The following RGS7BP variants were observed in gnomAD, a reference collection of about 807,000 sequenced individuals.
RGS7BP encodes the protein regulator of G protein signaling 7-binding protein.
A neutral mutation model predicts 31.3 loss-of-function variants in RGS7BP; 9 were observed. The observed-to-expected ratio is 0.29, with a 90% CI of 0.17 to 0.50. RGS7BP has a LOEUF of 0.50. RGS7BP is among the 20% of genes least tolerant of loss of function. The pLI is 0.98. For missense variants in RGS7BP, 274 were observed against 322.0 expected (o/e 0.85, Z 1.14); for synonymous variants, 115 against 120.1 (o/e 0.96, Z 0.28).
chr5:64,600,716 A>G (rs1743196055), intron 5 of RGS7BP, among the ~76,000 whole-genome samples: 1 of 152,198 alleles, frequency 6.6e-6, no homozygotes, highest in Non-Finnish European at 1.5e-5. Flanking sequence ...AATGTAAAGG[A>G]TTGTGAGGAA....
chr5:64,507,316 C>T (rs1748719125), intron 1 of RGS7BP, among the ~76,000 whole-genome samples: 1 of 152,146 alleles, frequency 6.6e-6, no homozygotes. Context: ...CCGCCCCTCC[C>T]GCCGTGCAAC....
intron 2 of RGS7BP, among the ~76,000 whole-genome samples, chr5:64,575,262 C>A (rs1742388783): frequency 6.6e-6 from 1 of 152,056 alleles, no homozygotes; most frequent in Non-Finnish European, 1.5e-5. Context: ...AAATTAGCCA[C>A]AGCAAACAAT....
At chr5:64,602,203 C>A (rs1393560850) in intron 5 of RGS7BP, among the ~76,000 whole-genome samples, 4 of 152,202 alleles carry the variant, frequency 2.6e-5, no homozygotes, top group Admixed American at 6.5e-5. Flanking sequence ...GAACACTGGG[C>A]AGTTATGCCA....
chr5:64,547,457 C>T (rs1207837454), intron 2 of RGS7BP, among the ~76,000 whole-genome samples: 1 of 152,172 alleles, frequency 6.6e-6, no homozygotes, highest in Non-Finnish European at 1.5e-5. Context: ...AGATTATAAA[C>T]CACAGCTTCT....
chr5:64,568,912 T>C (rs1429278698), intron 2 of RGS7BP, among the ~76,000 whole-genome samples: 1 of 140,504 alleles, frequency 7.1e-6, no homozygotes, highest in Non-Finnish European at 1.6e-5. Context: ...TCATGGGAAA[T>C]GGCAAAGGTG....
chr5:64,560,890 A>G (rs1037089850), intron 2 of RGS7BP, among the ~76,000 whole-genome samples: 1 of 152,160 alleles, frequency 6.6e-6, no homozygotes, highest in Admixed American at 6.6e-5. Context: ...AGAGAGAATA[A>G]TGACAGTCCA....
rs571736762 is a variant in RGS7BP at position 64,561,467 on chromosome 5, C to T, written c.333-14307C>T. On this transcript the variant is annotated intron_variant, in intron 2 of 5. Transcript: ENST00000334025. The stretch of plus-strand genomic sequence containing the variant: ...GGTTTGAGTCCTATCACTGTGTTTA[C>T]TCTTTCGATGACCTTCAGCAACTTT... Among the ~76,000 whole-genome samples, 8 of 152,174 alleles carry T rather than the reference C, an allele frequency of 5.3e-5. No individual in the cohort carries two copies. In the East Asian group the frequency reaches 1.5e-3, roughly 29 times the overall value.
chr5:64,597,114 A>G (rs891897140), intron 4 of RGS7BP, among the ~76,000 whole-genome samples: 8 of 152,158 alleles, frequency 5.3e-5, no homozygotes, highest in African/African-American at 1.9e-4. Flanking sequence ...GCTATTTTAA[A>G]TGAAATCTGC....
At chr5:64,596,700 G>A (rs1743078810) in intron 4 of RGS7BP, among the ~76,000 whole-genome samples, 1 of 152,092 alleles carries the variant, frequency 6.6e-6, no homozygotes, top group South Asian at 2.1e-4. Context: ...CATGAGAGTG[G>A]ATTTGGAAAG....
chr5:64,599,502 A>T lies in RGS7BP; in HGVS notation c.682+1067A>T, dbSNP rs1183083854. Among the ~76,000 whole-genome samples the T allele has an allele frequency of 3.3e-5, 5 of 152,112 alleles. No individual in the cohort carries two copies. The East Asian group carries it at 9.7e-4, about 29-fold the overall frequency. ...GTGGAAGTGAGAACACCAGATGAAG[A>T]GGCTGAGGAGTAGTGTGGCCTGAGC... On this transcript the variant is annotated intron_variant, in intron 5 of 5. Coordinates refer to ENST00000334025, the MANE Select transcript of RGS7BP (RefSeq NM_001029875.3).
Position 64,533,661 on chromosome 5 carries a change from A to G in RGS7BP, c.332+25784A>G, listed in dbSNP as rs556793263. On this transcript the variant is annotated intron_variant, in intron 2 of 5. Transcript: ENST00000334025. ...CATATTTTTCTTCCATAAATAAAGT[A>G]TGTACAAGAGACCCAGATTTTAACA... is the stretch of plus-strand genomic sequence containing the variant. Among the ~76,000 whole-genome samples the G allele has an allele frequency of 3.7e-4, 56 of 151,594 alleles. 1 individual carries two copies. Among genetic ancestry groups the G allele is most frequent in the Admixed American group, 3.2e-3 (49 of 15,268 alleles).
chr5:64,577,357 G>C (rs574236334), intron 3 of RGS7BP, among the ~76,000 whole-genome samples: 5 of 152,186 alleles, frequency 3.3e-5, no homozygotes, highest in Admixed American at 3.3e-4. Flanking sequence ...CAGGAGAATG[G>C]CATGAACCTG....
chr5:64,544,648 G>A (rs1371991272), intron 2 of RGS7BP, among the ~76,000 whole-genome samples: 3 of 151,274 alleles, frequency 2.0e-5, no homozygotes, highest in Admixed American at 6.6e-5. Context: ...CACTCCAGCC[G>A]GGGCAACCAA....
At chr5:64,589,542 A>C (rs1742852038) in intron 3 of RGS7BP, among the ~76,000 whole-genome samples, 1 of 152,174 alleles carries the variant, frequency 6.6e-6, no homozygotes, top group Non-Finnish European at 1.5e-5. Context: ...ATGGAAGGTC[A>C]TTATATAAAA....
intron 3 of RGS7BP, among the ~76,000 whole-genome samples, chr5:64,588,882 T>G (rs965796858): frequency 1.3e-5 from 2 of 151,944 alleles, no homozygotes; most frequent in Non-Finnish European, 2.9e-5. Context: ...CAGAGAGAAT[T>G]GAGAGAAATT....
chr5:64,597,107 A>G (rs1743090073), intron 4 of RGS7BP, among the ~76,000 whole-genome samples: 1 of 152,080 alleles, frequency 6.6e-6, no homozygotes. Flanking sequence ...GTTCCTGGCT[A>G]TTTTAAATGA....
chr5:64,558,952 G>T (rs902540274), intron 2 of RGS7BP, among the ~76,000 whole-genome samples: 4 of 152,160 alleles, frequency 2.6e-5, no homozygotes, highest in African/African-American at 9.6e-5. Context: ...CCAGTTCTCT[G>T]CTCTTGAACC....
At chr5:64,537,410 T>C (rs1741405512) in intron 2 of RGS7BP, among the ~76,000 whole-genome samples, 1 of 152,194 alleles carries the variant, frequency 6.6e-6, no homozygotes, top group African/African-American at 2.4e-5. Context: ...AGAAGACTGG[T>C]AGGTCAATGT....
At chr5:64,522,429 T>C (rs1397780658) in intron 2 of RGS7BP, among the ~76,000 whole-genome samples, 1 of 152,150 alleles carries the variant, frequency 6.6e-6, no homozygotes, top group African/African-American at 2.4e-5. Context: ...ACTCTCTATA[T>C]AGGGAAGAAC....
Sources: gnomAD v4.1 joint callset for allele counts (sites outside exome capture counted in the v4.1 genomes callset) on GRCh38, gnomAD v4.1.1 for gene constraint, MANE v1.5 for transcripts, NCBI Gene and HGNC (gene_info 2026-07-23, HGNC 2026-07-21) for gene names.